The following TRIM55 variants were observed in gnomAD, a reference collection of about 807,000 sequenced individuals.
TRIM55 encodes tripartite motif containing 55.
TRIM55 carries 50 observed loss-of-function variants against 60.9 expected under a neutral mutation model. The ratio of observed to expected loss-of-function variants is 0.82; its 90% CI spans 0.65 to 1.04. The LOEUF is 1.04. TRIM55 is among the 50% of genes least tolerant of loss of function. The pLI, the probability that TRIM55 is intolerant of heterozygous loss-of-function variation, is 0.00. For missense variants in TRIM55, 681 were observed against 666.9 expected, an observed-to-expected ratio of 1.02 and a Z score of -0.23; for synonymous variants, 237 against 238.1, an observed-to-expected ratio of 1.00 and a Z score of 0.04.
chr8:66,161,011 G>A (rs1399148160), intron 9 of TRIM55, among the ~76,000 whole-genome samples: 1 of 151,980 alleles, frequency 6.6e-6, no homozygotes, highest in Non-Finnish European at 1.5e-5. Flanking sequence ...CTGTGCAGAA[G>A]CTTTTTAGTT....
intron 4 of TRIM55, among the ~76,000 whole-genome samples, chr8:66,140,113 G>A (rs1809722310): frequency 6.6e-6 from 1 of 152,164 alleles, no homozygotes; most frequent in African/African-American, 2.4e-5. Flanking sequence ...TGGGCAGTAG[G>A]CTCTGCCATG....
chr8:66,113,465 G>T, the TRIM55 span: 22,463 of 454,078 alleles, frequency 0.049, 961 homozygotes, highest in African/African-American at 0.17. Flanking sequence ...AAGGAGACAA[G>T]TGCGGTTTTT....
chr8:66,118,011 C>CA, the TRIM55 span, among the ~76,000 whole-genome samples: 1,351 of 150,384 alleles, frequency 9.0e-3, 10 homozygotes, highest in Non-Finnish European at 0.016. Context: ...CTAAAAAATA[C>CA]AAAAAAACTT....
chr8:66,169,801 G>T (rs1192998146), intron 9 of TRIM55, among the ~76,000 whole-genome samples: 1 of 152,174 alleles, frequency 6.6e-6, no homozygotes, highest in African/African-American at 2.4e-5. Flanking sequence ...GCACAACACT[G>T]CTTAGCTCTC....
chr8:66,153,935 C>A, intron 8 of TRIM55, 112 bp from the exon 9 acceptor site: 1 of 1,039,496 alleles, frequency 9.6e-7, no homozygotes, highest in Non-Finnish European at 1.4e-6. Flanking sequence ...CAAGGCACTG[C>A]ATGCAGGGAG....
chr8:66,164,608 C>A (rs1413671730), intron 9 of TRIM55, among the ~76,000 whole-genome samples: 1 of 152,178 alleles, frequency 6.6e-6, no homozygotes, highest in Admixed American at 6.5e-5. Context: ...TCCCAAGTGT[C>A]CCCAGTTTCT....
intron 4 of TRIM55, among the ~76,000 whole-genome samples, chr8:66,149,376 C>A (rs1189631582): frequency 6.6e-6 from 1 of 152,114 alleles, no homozygotes; most frequent in Non-Finnish European, 1.5e-5. Context: ...CTATGAAATT[C>A]TCCATTTATA....
chr8:66,172,948 T>C (rs1257649526), intron 9 of TRIM55, among the ~76,000 whole-genome samples: 1 of 152,208 alleles, frequency 6.6e-6, no homozygotes, highest in Non-Finnish European at 1.5e-5. Flanking sequence ...GCATAAGCCA[T>C]ACATGAGACT....
At chr8:66,168,488 C>T (rs1241547655) in intron 9 of TRIM55, among the ~76,000 whole-genome samples, 1 of 152,242 alleles carries the variant, frequency 6.6e-6, no homozygotes, top group Non-Finnish European at 1.5e-5. Context: ...CTGCTTCCAG[C>T]ATCTGGCTTT....
the TRIM55 span, among the ~76,000 whole-genome samples, chr8:66,120,395 G>A: frequency 1.3e-5 from 2 of 152,116 alleles, no homozygotes; most frequent in African/African-American, 4.8e-5. Flanking sequence ...TTATGCTAAT[G>A]AGATAACTAT....
rs529823709 is a variant in TRIM55, at chr8:66,151,083, AAGTGTCAGC to A, written c.985+620_985+628del. 2.6e-5 allele frequency among the ~76,000 whole-genome samples: 4 copies of A among 152,326 alleles called. No individual in the cohort carries two copies. The South Asian group carries it at 8.3e-4, about 32-fold the overall frequency. ...GCACAGTGTTAGCCAAAATAATGTA[AAGTGTCAGC>A]AGGAGCAAGGTTAAAGATGAGATAA... On this transcript the variant is annotated intron_variant, in intron 7 of 9. Coordinates refer to ENST00000315962, the MANE Select transcript of TRIM55 (RefSeq NM_184085.2).
chr8:66,135,374 A>AC (rs1809425754), intron 3 of TRIM55, among the ~76,000 whole-genome samples: 1 of 152,214 alleles, frequency 6.6e-6, no homozygotes, highest in Non-Finnish European at 1.5e-5. Flanking sequence ...ACCAGGCGAG[A>AC]CAGGGCAGGG....
intron 4 of TRIM55, among the ~76,000 whole-genome samples, chr8:66,138,391 G>C (rs144829649): frequency 0.012 from 1,810 of 152,098 alleles, 19 homozygotes; most frequent in Non-Finnish European, 0.016. Context: ...TGTTTTTGGG[G>C]TTTTTGTTTG....
At chr8:66,172,096 G>A (rs189447366) in intron 9 of TRIM55, among the ~76,000 whole-genome samples, 173 of 148,474 alleles carry the variant, frequency 1.2e-3, no homozygotes, top group African/African-American at 3.7e-3. Context: ...AGGAAGGAAG[G>A]AAGGAAGGAC....
chr8:66,144,144 T>C (rs1005178812), intron 4 of TRIM55, among the ~76,000 whole-genome samples: 9 of 152,208 alleles, frequency 5.9e-5, no homozygotes, highest in African/African-American at 2.2e-4. Flanking sequence ...AGTTCAACAA[T>C]GGCTTTAGGT....
At chr8:66,162,516 G>C (rs960976577) in intron 9 of TRIM55, among the ~76,000 whole-genome samples, 2 of 151,640 alleles carry the variant, frequency 1.3e-5, no homozygotes, top group African/African-American at 2.4e-5. Context: ...TTTGGTATTA[G>C]GGTAATACTG....
chr8:66,151,701 G>T (rs536871150), intron 7 of TRIM55, among the ~76,000 whole-genome samples: 21 of 151,828 alleles, frequency 1.4e-4, no homozygotes, highest in Admixed American at 2.6e-4. Context: ...AAAATTAGCC[G>T]GGCGTGGTGG....
At chr8:66,137,660 T>C (rs1809558526) in intron 4 of TRIM55, among the ~76,000 whole-genome samples, 1 of 151,146 alleles carries the variant, frequency 6.6e-6, no homozygotes, top group African/African-American at 2.4e-5. Context: ...AGTTAGAGAA[T>C]GGCTCAGTGG....
intron 9 of TRIM55, among the ~76,000 whole-genome samples, chr8:66,161,457 T>C (rs1473653647): frequency 6.6e-6 from 1 of 152,168 alleles, no homozygotes; most frequent in Non-Finnish European, 1.5e-5. Flanking sequence ...AGTTGGGTAA[T>C]GTGATGCCTA....
Sources: allele counts gnomAD v4.1 joint callset (sites outside exome capture counted in the v4.1 genomes callset), GRCh38; gene constraint gnomAD v4.1.1; transcripts MANE v1.5; gene names NCBI Gene and HGNC (gene_info 2026-07-23, HGNC 2026-07-21).